URB1: variants seen among roughly 807,000 people sequenced by gnomAD.
URB1 encodes URB1 ribosome biogenesis factor.
A neutral mutation model predicts 242.3 loss-of-function variants in URB1; 197 were observed. That is an observed-to-expected ratio of 0.81 (90% CI 0.72 to 0.91). The LOEUF is 0.91. Among genes scored for constraint, URB1 ranks in the 40% least tolerant of loss-of-function variants. The probability of loss-of-function intolerance (pLI) is 0.00; values close to 1 mark genes in which losing one functional copy is unlikely to be tolerated. For synonymous variants in URB1, 1,153 were observed against 1,201.8 expected (o/e 0.96, Z 0.84); for missense variants, 2,721 against 2,860.5 (o/e 0.95, Z 1.11).
intron 5 of URB1, among the ~76,000 whole-genome samples, chr21:32,375,725 C>T (rs1203393724): frequency 2.0e-5 from 3 of 151,734 alleles, no homozygotes; most frequent in East Asian, 3.9e-4. Flanking sequence ...TGGGAGGATC[C>T]CTTGAGGCCA....
intron 16 of URB1, 63 bp downstream of exon 16, chr21:32,355,386 A>T (rs1210260190): frequency 6.9e-7 from 1 of 1,455,890 alleles, no homozygotes; most frequent in Non-Finnish European, 9.4e-7. Context: ...TGCCTCGATG[A>T]CGCTAAGAAG....
intron 33 of URB1, 93 bp downstream of exon 33, chr21:32,322,385 T>A: frequency 8.5e-7 from 1 of 1,183,002 alleles, no homozygotes; most frequent in Non-Finnish European, 1.2e-6. Context: ...CCGTGCAGCA[T>A]ACAGGATCCA....
intron 19 of URB1, among the ~76,000 whole-genome samples, chr21:32,352,227 G>A (rs1601139851): frequency 1.3e-5 from 2 of 152,306 alleles, no homozygotes; most frequent in East Asian, 1.9e-4. Flanking sequence ...ATCCCATTAA[G>A]AGAATGTAGT....
chr21:32,361,551 A>T (rs2033288681), intron 12 of URB1, among the ~76,000 whole-genome samples: 1 of 152,160 alleles, frequency 6.6e-6, no homozygotes, highest in South Asian at 2.1e-4. Flanking sequence ...ATGCCTGACC[A>T]ACAACAAGGC....
chr21:32,352,721 G>A lies in URB1; in HGVS notation c.2602C>T (p.Arg868Ter), dbSNP rs746293229. ...TGGCTGCAGCTCACCCAGGCCTCTC[G>A]GGCTTGCTCCGGGATCCAGAGGCTG... is the stretch of plus-strand genomic sequence containing the variant. The part of the protein sequence containing the change: ...YYSLWIPEQA[R>*]EAWLLQAQGS... The change falls in exon 19 of 39, where the codon CGA becomes TGA. Residue 868 changes from arginine to a stop codon, truncating the protein, a stop_gained. Coordinates refer to ENST00000382751, the MANE Select transcript of URB1 (RefSeq NM_014825.3). LOFTEE classifies it high-confidence loss of function. The A allele has an allele frequency of 5.8e-6, 9 of 1,551,282 alleles. No homozygotes were observed. The South Asian group carries it at 6.0e-5, about 10-fold the overall frequency.
At chr21:32,380,171 A>G (rs1473610968) in intron 4 of URB1, among the ~76,000 whole-genome samples, 2 of 152,174 alleles carry the variant, frequency 1.3e-5, no homozygotes, top group African/African-American at 2.4e-5. Flanking sequence ...GGCATCAGTT[A>G]GGTCTCTGTG....
At chr21:32,383,354 G>A in intron 4 of URB1, 68 bp downstream of exon 4, 1 of 1,484,438 alleles carries the variant, frequency 6.7e-7, no homozygotes, top group Non-Finnish European at 9.0e-7. Context: ...GAGAATGGAG[G>A]AAAAACCACT....
Position 32,311,255 on chromosome 21 carries a change from CACG to C in URB1, c.*3660_*3662del, listed in dbSNP as rs1227539132. ...CAATTACCTCCCACTGGGTCCTTCCCACGACACGTGGGGATTATTACAATTCAA... is the reference window on the plus strand; with the variant it reads ...CAATTACCTCCCACTGGGTCCTTCCCACACGTGGGGATTATTACAATTCAA... On this transcript the variant is annotated 3_prime_UTR_variant, in exon 39 of 39. Coordinates refer to ENST00000382751, the MANE Select transcript of URB1 (RefSeq NM_014825.3). The C allele has an allele frequency of 1.7e-5, 3 of 177,028 alleles. No individual in the cohort carries two copies. Among genetic ancestry groups the C allele is most frequent in the East Asian group, 3.1e-4 (2 of 6,432 alleles). 11.0% of individuals were successfully genotyped at this position (177,028 alleles called of 1,614,324 possible). A position where few individuals can be genotyped will look rare whatever the true frequency, so the allele number is the denominator to read the frequency against.
chr21:32,349,457 G>A lies in URB1; in HGVS notation c.2859C>T (p.Leu953=). 6.4e-7 allele frequency: 1 copy of A among 1,550,776 alleles called. No individual in the cohort carries two copies. Among genetic ancestry groups the A allele is most frequent in the East Asian group, 2.4e-5 (1 of 40,858 alleles). The change falls in exon 21 of 39, where the codon CTC becomes CTT. Residue 953 remains leucine (L), a synonymous_variant. Transcript: ENST00000382751. ...GQLGRSVGPP[L]LQLFLDLLRR... The stretch of plus-strand genomic sequence containing the variant: ...TGAGGAGATCCAGGAAGAGCTGCAG[G>A]AGGGGCGGGCCCACACTTCTGCCCA...
chr21:32,378,831 A>G (rs374290946), intron 4 of URB1, among the ~76,000 whole-genome samples: 20 of 152,342 alleles, frequency 1.3e-4, no homozygotes, highest in African/African-American at 4.3e-4. Flanking sequence ...TTCCCTGACT[A>G]TAACACATAC....
chr21:32,368,416 T>C lies in URB1; in HGVS notation c.1184A>G (p.Lys395Arg). 1 of 1,544,642 alleles carries C rather than the reference T, an allele frequency of 6.5e-7. No individual in the cohort carries two copies. The highest frequency in any genetic ancestry group is 8.7e-7 in the Non-Finnish European group (1 of 1,144,382). ...RAKSTWLNNI[K>R]LLNKIYEAQP... The stretch of plus-strand genomic sequence containing the variant: ...ATGTTTTTTTACCTTGTTTAGTAGT[T>C]TGATATTATTTAACCAAGTAGACTT... The change falls in exon 9 of 39, where the codon AAA becomes AGA. Residue 395 changes from lysine (K) to arginine (R), a missense_variant. Coordinates refer to ENST00000382751, the MANE Select transcript of URB1 (RefSeq NM_014825.3).
chr21:32,314,903 GCTGGC>G lies in URB1; in HGVS notation c.*10_*14del, dbSNP rs1255005961. 1.9e-6 allele frequency: 3 copies of G among 1,546,812 alleles called. No individual in the cohort carries two copies. Among genetic ancestry groups the G allele is most frequent in the African/African-American group, 2.7e-5 (2 of 73,112 alleles). On this transcript the variant is annotated 3_prime_UTR_variant, in exon 39 of 39. Transcript: ENST00000382751. ...GGCTCTGGTCATCAGGGTGCAAGGTGCTGGCCGGCAGGAGTCAAGCATCTGAGGCT... is the reference window on the plus strand; with the variant it reads ...GGCTCTGGTCATCAGGGTGCAAGGTGCGGCAGGAGTCAAGCATCTGAGGCT...
At chr21:32,372,658 G>A (rs867047341) in intron 7 of URB1, 27 bp from the exon 8 acceptor site, 2 of 1,542,016 alleles carry the variant, frequency 1.3e-6, no homozygotes, top group Non-Finnish European at 1.7e-6. Context: ...AAAATTCAAT[G>A]AAAATCCCAA....
At chr21:32,370,509 T>C (rs1052712726) in intron 8 of URB1, among the ~76,000 whole-genome samples, 1 of 152,228 alleles carries the variant, frequency 6.6e-6, no homozygotes, top group Non-Finnish European at 1.5e-5. Context: ...TTAATATTTA[T>C]GTAGTGCACA....
chr21:32,366,455 TTATGGGC>T (rs1269055968), intron 10 of URB1, among the ~76,000 whole-genome samples, 156 bp downstream of exon 10: 3 of 152,188 alleles, frequency 2.0e-5, no homozygotes, highest in Admixed American at 6.5e-5. Flanking sequence ...GACCTGTCAC[TTATGGGC>T]TATTTCAAAC....
At position 32,354,207 on chromosome 21, in the gene URB1, A is replaced by G. The variant is rs186295578; in HGVS notation, c.2246-104T>C. ...AGCAGAATACGTGCAAAAAGAAAAA[A>G]GCCAAATTCCTCTTGGGGGGAGCAT... On this transcript the variant is annotated intron_variant, in intron 17 of 38. Coordinates refer to ENST00000382751, the MANE Select transcript of URB1 (RefSeq NM_014825.3). 18 of 1,343,754 alleles carry G rather than the reference A, an allele frequency of 1.3e-5. No homozygotes were observed. The East Asian group carries it at 4.6e-4, about 34-fold the overall frequency. The allele number at this position is 1,343,754 out of a possible 1,614,324, so 83.2% of individuals were successfully genotyped here. A position where few individuals can be genotyped will look rare whatever the true frequency, so the allele number is the denominator to read the frequency against.
chr21:32,377,486 C>T (rs2033472426), intron 5 of URB1, among the ~76,000 whole-genome samples: 1 of 152,120 alleles, frequency 6.6e-6, no homozygotes, highest in African/African-American at 2.4e-5. Context: ...AAACTACTGG[C>T]CCTGGCAGCA....
chr21:32,371,998 GGCA>G (rs1215308693), intron 8 of URB1, among the ~76,000 whole-genome samples: 3 of 152,124 alleles, frequency 2.0e-5, no homozygotes, highest in Non-Finnish European at 2.9e-5. Context: ...GTGACTCATG[GGCA>G]GCCTGTCAAG....
chr21:32,339,855 G>A (rs1236344264), intron 25 of URB1, among the ~76,000 whole-genome samples: 1 of 152,164 alleles, frequency 6.6e-6, no homozygotes. Context: ...GAAACGCCAG[G>A]AGGCATGAGA....
Sources: allele counts gnomAD v4.1 joint callset (sites outside exome capture counted in the v4.1 genomes callset), GRCh38; gene constraint gnomAD v4.1.1; transcripts MANE v1.5; gene names NCBI Gene and HGNC (gene_info 2026-07-23, HGNC 2026-07-21).